The following GDE1 variants were observed in gnomAD, a reference collection of about 807,000 sequenced individuals.
GDE1 encodes the protein RGS16-interacting membrane protein.
GDE1 carries 24 observed loss-of-function variants against 32.2 expected under a neutral mutation model. The ratio of observed to expected loss-of-function variants is 0.75; its 90% CI spans 0.54 to 1.05. GDE1 has a LOEUF of 1.05. Ranked by LOEUF, GDE1 falls within the 50% of genes least tolerant of loss-of-function variation. The pLI is 0.00. For missense variants in GDE1, 380 were observed against 415.0 expected (o/e 0.92, Z 0.73); for synonymous variants, 159 against 158.6 (o/e 1.00, Z -0.02).
intron 4 of GDE1, among the ~76,000 whole-genome samples, 191 bp from the exon 5 acceptor site, chr16:19,505,283 C>T (rs1969232795): frequency 6.6e-6 from 1 of 152,206 alleles, no homozygotes; most frequent in South Asian, 2.1e-4. Flanking sequence ...CACTAATATG[C>T]AGCACATATG....
intron 1 of GDE1, among the ~76,000 whole-genome samples, chr16:19,519,404 G>A (rs72767512): frequency 0.027 from 4,041 of 151,208 alleles, 78 homozygotes; most frequent in Non-Finnish European, 0.041. Context: ...TGAGAGTTAT[G>A]AGCCAGGAAC....
chr16:19,521,800 G>C lies in GDE1; in HGVS notation c.165C>G (p.Ala55=), dbSNP rs1485054275. ...FSFEPVPSCR[A]LQVLKPRDRI... ...GGTCCCGGGGCTTGAGCACCTGCAGGGCCCTGCAAGAGGGCACCGGCTCAA... is the reference window on the plus strand; with the variant it reads ...GGTCCCGGGGCTTGAGCACCTGCAGCGCCCTGCAAGAGGGCACCGGCTCAA... Residue 55 remains alanine (A), a synonymous_variant, in exon 1 of 6, where the codon GCC becomes GCG. Coordinates refer to ENST00000353258, the MANE Select transcript of GDE1 (RefSeq NM_016641.4). The C allele has an allele frequency of 1.5e-5, 24 of 1,611,584 alleles. No homozygotes were observed. Among genetic ancestry groups the C allele is most frequent in the Non-Finnish European group, 1.9e-5 (22 of 1,179,482 alleles).
chr16:19,503,944 G>GAAAA (rs1969212204), intron 5 of GDE1: 1 of 226,876 alleles, frequency 4.4e-6, no homozygotes, highest in East Asian at 8.9e-5. Flanking sequence ...TTTCTTTTCT[G>GAAAA]TGCTGATTAA....
At position 19,510,921 on chromosome 16, in the gene GDE1, A is replaced by T. The variant is rs929497409; in HGVS notation, c.461T>A (p.Ile154Asn). The T allele has an allele frequency of 1.9e-6, 3 of 1,585,830 alleles. No homozygotes were observed. Among genetic ancestry groups the T allele is most frequent in the Non-Finnish European group, 2.6e-6 (3 of 1,157,836 alleles). ...TGCAACAGCTTCCCTTAGGGTAGGGATCTTTTCATCAGGGAAATCATTCCT... is the reference window on the plus strand; with the variant it reads ...TGCAACAGCTTCCCTTAGGGTAGGGTTCTTTTCATCAGGGAAATCATTCCT... ...RLRNDFPDEK[I>N]PTLREAVAEC... Residue 154 changes from isoleucine (I) to asparagine (N), a missense_variant, in exon 3 of 6, where the codon ATC (isoleucine) becomes AAC (asparagine). Transcript: ENST00000353258.
intron 1 of GDE1, 184 bp downstream of exon 1, chr16:19,521,520 G>A: frequency 1.6e-6 from 1 of 643,602 alleles, no homozygotes; most frequent in South Asian, 2.0e-5. Context: ...GCTGTCTTCT[G>A]TAAATATAAA....
chr16:19,516,332 T>A (rs1168286833), intron 2 of GDE1, among the ~76,000 whole-genome samples: 1 of 152,196 alleles, frequency 6.6e-6, no homozygotes, highest in Non-Finnish European at 1.5e-5. Context: ...CTTGAGTAAA[T>A]AATTTAACTT....
At chr16:19,507,867 C>G (rs988018617) in intron 3 of GDE1, 88 bp from the exon 4 acceptor site, 4 of 650,830 alleles carry the variant, frequency 6.1e-6, no homozygotes, top group African/African-American at 5.5e-5. Context: ...TAAGTACAAC[C>G]CTATGGAATA....
chr16:19,505,714 C>T (rs1318881478), intron 4 of GDE1, among the ~76,000 whole-genome samples: 1 of 152,186 alleles, frequency 6.6e-6, no homozygotes, highest in Non-Finnish European at 1.5e-5. Flanking sequence ...TTGGGAAACA[C>T]TGTTCCAAAT....
In GDE1 at chr16:19,504,599, A is replaced by G. The variant is rs1969220510; in HGVS notation, c.848+282T>C. The G allele has an allele frequency of 2.3e-5, 7 of 305,338 alleles. No individual in the cohort carries two copies. The South Asian group carries it at 3.0e-4, about 13-fold the overall frequency. The allele number at this position is 305,338 out of a possible 1,614,324, so 18.9% of individuals were successfully genotyped here. A position where few individuals can be genotyped will look rare whatever the true frequency, so the allele number is the denominator to read the frequency against. The stretch of plus-strand genomic sequence containing the variant: ...TCCTGTGTTGGCTTTCAAAAAAACC[A>G]GTCACAGAAATAAAATCCCTTGCTC... On this transcript the variant is annotated intron_variant, in intron 5 of 5. Coordinates refer to ENST00000353258, the MANE Select transcript of GDE1 (RefSeq NM_016641.4).
intron 1 of GDE1, 68 bp downstream of exon 1, chr16:19,521,636 C>T (rs1038242249): frequency 1.1e-5 from 17 of 1,547,128 alleles, no homozygotes; most frequent in Non-Finnish European, 1.5e-5. Flanking sequence ...GATCGGGGAA[C>T]CCTGGGAAGG....
chr16:19,510,493 CT>C (rs1446888045), intron 3 of GDE1, among the ~76,000 whole-genome samples: 2 of 151,890 alleles, frequency 1.3e-5, no homozygotes, highest in Admixed American at 6.6e-5. Flanking sequence ...TTCGGAATTC[CT>C]TTTTTTCAAG....
Position 19,505,261 on chromosome 16 carries a change from A to G in GDE1, c.637-169T>C, listed in dbSNP as rs911408257. 5 of 593,178 alleles carry G rather than the reference A, an allele frequency of 8.4e-6. No individual in the cohort carries two copies. In the African/African-American group the frequency reaches 9.3e-5, roughly 11 times the overall value. 36.7% of individuals were successfully genotyped at this position (593,178 alleles called of 1,614,324 possible). ...ATAAACCCTTTGAGAAAATAATGTG[A>G]AGAATGTAAAGCACTAATATGCAGC... On this transcript the variant is annotated intron_variant, in intron 4 of 5. Transcript: ENST00000353258.
intron 2 of GDE1, among the ~76,000 whole-genome samples, chr16:19,512,372 A>C (rs1969328385): frequency 6.6e-6 from 1 of 152,058 alleles, no homozygotes; most frequent in African/African-American, 2.4e-5. Flanking sequence ...TCTTTTGAAA[A>C]ATGTTTATTC....
chr16:19,503,858 T>C (rs1969211002), intron 5 of GDE1: 1 of 403,156 alleles, frequency 2.5e-6, no homozygotes, highest in Non-Finnish European at 4.5e-6. Flanking sequence ...CCAAATGTCC[T>C]TGGCACAGCC....
chr16:19,508,590 G>A (rs1969277758), intron 3 of GDE1, among the ~76,000 whole-genome samples: 1 of 152,142 alleles, frequency 6.6e-6, no homozygotes, highest in South Asian at 2.1e-4. Context: ...TCCATGTCAT[G>A]CCTCCTCTTC....
At chr16:19,507,656 T>C (rs762392860) in intron 4 of GDE1, 31 bp downstream of exon 4, 1 of 1,081,630 alleles carries the variant, frequency 9.2e-7, no homozygotes, top group South Asian at 1.2e-5. Flanking sequence ...CCAGCTCACC[T>C]AATATGTACA....
At chr16:19,507,097 C>T (rs1156245413) in intron 4 of GDE1, among the ~76,000 whole-genome samples, 1 of 151,830 alleles carries the variant, frequency 6.6e-6, no homozygotes, top group East Asian at 1.9e-4. Flanking sequence ...TGTGATCACA[C>T]CACTGCACTC....
intron 1 of GDE1, among the ~76,000 whole-genome samples, chr16:19,520,911 C>T (rs1421593105): frequency 6.6e-6 from 1 of 152,064 alleles, no homozygotes; most frequent in Non-Finnish European, 1.5e-5. Context: ...TCAGGAGTGC[C>T]TTGTGAAAAG....
At chr16:19,507,525 A>AT in intron 4 of GDE1, 162 bp downstream of exon 4, 4 of 599,328 alleles carry the variant, frequency 6.7e-6, no homozygotes. Flanking sequence ...GTATGAGTAC[A>AT]TTCCCCTTCT....
Sources: allele counts gnomAD v4.1 joint callset (sites outside exome capture counted in the v4.1 genomes callset), GRCh38; gene constraint gnomAD v4.1.1; transcripts MANE v1.5; gene names NCBI Gene and HGNC (gene_info 2026-07-23, HGNC 2026-07-21).